SULT1E1: variants seen among roughly 807,000 people sequenced by gnomAD.
SULT1E1 encodes sulfotransferase family 1E member 1, also known as sulfotransferase 1E1.
A neutral mutation model predicts 33.6 loss-of-function variants in SULT1E1; 36 were observed. That is an observed-to-expected ratio of 1.07 (90% CI 0.82 to 1.41). The LOEUF is 1.41. Ranked by LOEUF, SULT1E1 falls within the 40% of genes most tolerant of loss-of-function variation. SULT1E1 has a pLI of 0.00. For missense variants in SULT1E1, 371 were observed against 345.7 expected, an observed-to-expected ratio of 1.07 and a Z score of -0.58; for synonymous variants, 121 against 111.7, an observed-to-expected ratio of 1.08 and a Z score of -0.53.
chr4:69,847,904 TTAGAA>T, intron 5 of SULT1E1, 112 bp from the exon 6 acceptor site: 1 of 581,506 alleles, frequency 1.7e-6, no homozygotes, highest in Non-Finnish European at 3.0e-6. Flanking sequence ...AATCATGAAA[TTAGAA>T]TAGATCAGCT....
chr4:69,859,926 GTATC>G (rs1721336895), intron 1 of SULT1E1, 119 bp downstream of exon 1: 1 of 151,942 alleles, frequency 6.6e-6, no homozygotes, highest in Non-Finnish European at 1.5e-5. Context: ...ATTAACTAAA[GTATC>G]AATCAAGACT....
chr4:69,822,556 C>T, the SULT1E1 span, among the ~76,000 whole-genome samples: 1 of 152,154 alleles, frequency 6.6e-6, no homozygotes, highest in Middle Eastern at 3.2e-3. Flanking sequence ...TTTCAGGTTA[C>T]AGTGAACTGT....
At chr4:69,836,464 C>T (rs1349233041), downstream of SULT1E1, among the ~76,000 whole-genome samples, 2 of 152,156 alleles carry the variant, frequency 1.3e-5, no homozygotes. Context: ...ATGCCATTTG[C>T]TATTAGGCAA....
Position 69,854,223 on chromosome 4 carries a change from A to G in SULT1E1, c.363T>C (p.Asp121=), listed in dbSNP as rs759114107. The change falls in exon 4 of 8, where the codon GAT becomes GAC. Residue 121 remains aspartate (D), a synonymous_variant. Coordinates refer to ENST00000226444, the MANE Select transcript of SULT1E1 (RefSeq NM_005420.3). The part of the protein sequence containing the change: ...ELLPASFWEK[D]CKIIYLCRNA... ...AACACTTGACTCTGGTTACCTTACA[A>G]TCCTTTTCCCAAAATGAGGCAGGAA... 3.1e-6 allele frequency: 5 copies of G among 1,611,052 alleles called. No individual in the cohort carries two copies. The highest frequency in any genetic ancestry group is 1.1e-5 in the South Asian group (1 of 90,690).
chr4:69,826,493 G>C, the SULT1E1 span, among the ~76,000 whole-genome samples: 2 of 152,016 alleles, frequency 1.3e-5, no homozygotes, highest in East Asian at 3.9e-4. Context: ...CGATCAGCAG[G>C]GTCCAGGGAC....
At position 69,855,358 on chromosome 4, in the gene SULT1E1, C is replaced by T. The variant is rs746411706; in HGVS notation, c.214G>A (p.Asp72Asn). 7 of 1,613,018 alleles carry T rather than the reference C, an allele frequency of 4.3e-6. No individual in the cohort carries two copies. In the Admixed American group the frequency reaches 5.0e-5, roughly 12 times the overall value. Residue 72 changes from aspartate (D) to asparagine (N), a missense_variant, in exon 3 of 8, where the codon GAT becomes AAT. Coordinates refer to ENST00000226444, the MANE Select transcript of SULT1E1 (RefSeq NM_005420.3). ...AAAGGTATTCGATTAAAAATTACAT[C>T]TTCTTTGCACTTTTCCACATCACCC... ...KEGDVEKCKE[D>N]VIFNRIPFLE...
chr4:69,855,399 T>G lies in SULT1E1; in HGVS notation c.173A>C (p.Tyr58Ser). ...CACATCACCCTCTTTATAGATCATA[T>G]ACACAATTTCACTAACCCAGGTTGT... ...SGTTWVSEIV[Y>S]MIYKEGDVEK... is the part of the protein sequence containing the mutation. Residue 58 changes from tyrosine (Y) to serine (S), a missense_variant, in exon 3 of 8, where the codon TAT (tyrosine) becomes TCT (serine). Coordinates refer to ENST00000226444, the MANE Select transcript of SULT1E1 (RefSeq NM_005420.3). 10 of 1,612,340 alleles carry G rather than the reference T, an allele frequency of 6.2e-6. No homozygotes were observed. Among genetic ancestry groups the G allele is most frequent in the Non-Finnish European group, 8.5e-6 (10 of 1,179,092 alleles).
chr4:69,843,416 T>A (rs1459700341), intron 7 of SULT1E1, among the ~76,000 whole-genome samples: 2 of 152,208 alleles, frequency 1.3e-5, no homozygotes, highest in African/African-American at 2.4e-5. Context: ...TTTCAGTGGA[T>A]CCCTGTTCTG....
intron 4 of SULT1E1, among the ~76,000 whole-genome samples, chr4:69,853,146 A>G (rs1721161036): frequency 6.6e-6 from 1 of 152,142 alleles, no homozygotes; most frequent in Admixed American, 6.6e-5. Context: ...ACTGGGATAT[A>G]TCCCCTTTTT....
chr4:69,850,161 A>T (rs1314439754), intron 4 of SULT1E1, among the ~76,000 whole-genome samples: 1 of 152,114 alleles, frequency 6.6e-6, no homozygotes, highest in Admixed American at 6.6e-5. Flanking sequence ...ATTAGTTTTC[A>T]GAAAACTGTG....
chr4:69,825,589 A>G, the SULT1E1 span, among the ~76,000 whole-genome samples: 4 of 152,258 alleles, frequency 2.6e-5, no homozygotes, highest in Middle Eastern at 3.4e-3. Flanking sequence ...AGTGTTCTCT[A>G]ACAATCCCCG....
chr4:69,852,437 G>T (rs1721144198), intron 4 of SULT1E1, among the ~76,000 whole-genome samples: 2 of 152,102 alleles, frequency 1.3e-5, no homozygotes, highest in African/African-American at 2.4e-5. Flanking sequence ...CACTTTTGAA[G>T]AATTATCCTG....
At chr4:69,849,299 A>G in intron 5 of SULT1E1, 138 bp downstream of exon 5, 1 of 975,308 alleles carries the variant, frequency 1.0e-6, no homozygotes. Context: ...CTAAACCTCC[A>G]GGCGCCTTTA....
At chr4:69,851,983 G>A (rs1468381233) in intron 4 of SULT1E1, among the ~76,000 whole-genome samples, 3 of 152,154 alleles carry the variant, frequency 2.0e-5, no homozygotes, top group Non-Finnish European at 4.4e-5. Flanking sequence ...GTGGGGTGGG[G>A]AGAGCGGGGA....
At chr4:69,842,346 C>T (rs1327910920) in intron 7 of SULT1E1, among the ~76,000 whole-genome samples, 3 of 152,106 alleles carry the variant, frequency 2.0e-5, no homozygotes, top group African/African-American at 4.8e-5. Flanking sequence ...ATGCCATTTA[C>T]TTTATTTTTC....
chr4:69,857,397 C>T, intron 2 of SULT1E1, 103 bp downstream of exon 2: 1 of 1,401,472 alleles, frequency 7.1e-7, no homozygotes, highest in Non-Finnish European at 9.6e-7. Context: ...CGCATCTGTT[C>T]TTAATATAGA....
chr4:69,851,737 A>G (rs1365455856), intron 4 of SULT1E1, among the ~76,000 whole-genome samples: 2 of 152,208 alleles, frequency 1.3e-5, no homozygotes, highest in Non-Finnish European at 2.9e-5. Flanking sequence ...ATATCCAACA[A>G]TGATAGACTG....
the SULT1E1 span, among the ~76,000 whole-genome samples, chr4:69,829,233 G>A: frequency 1.1e-4 from 17 of 152,286 alleles, no homozygotes; most frequent in Admixed American, 5.2e-4. Flanking sequence ...ATATTCACTA[G>A]ACAGCTTCCT....
chr4:69,855,362 T>C lies in SULT1E1; in HGVS notation c.210A>G (p.Lys70=). The stretch of plus-strand genomic sequence containing the variant: ...GTATTCGATTAAAAATTACATCTTC[T>C]TTGCACTTTTCCACATCACCCTCTT... The part of the protein sequence containing the change: ...IYKEGDVEKC[K]EDVIFNRIPF... The change falls in exon 3 of 8, where the codon AAA becomes AAG. Residue 70 remains lysine, a synonymous_variant. Transcript: ENST00000226444. The C allele has an allele frequency of 6.2e-7, 1 of 1,613,304 alleles. No homozygotes were observed. The highest frequency in any genetic ancestry group is 8.5e-7 in the Non-Finnish European group (1 of 1,179,580).
Sources: gnomAD v4.1 joint callset for allele counts (sites outside exome capture counted in the v4.1 genomes callset) on GRCh38, gnomAD v4.1.1 for gene constraint, MANE v1.5 for transcripts, NCBI Gene and HGNC (gene_info 2026-07-23, HGNC 2026-07-21) for gene names.